The following LAMB4 variants were observed in gnomAD, a reference collection of about 807,000 sequenced individuals.
LAMB4 encodes laminin subunit beta-4.
In LAMB4, 196 loss-of-function variants were observed where a neutral mutation model predicts 199.2. That is an observed-to-expected ratio of 0.98 (90% confidence interval 0.88 to 1.11). The LOEUF is 1.11. Among genes scored for constraint, LAMB4 ranks in the 50% least tolerant of loss-of-function variants. The probability of loss-of-function intolerance (pLI) is 0.00; values close to 1 mark genes in which losing one functional copy is unlikely to be tolerated. For synonymous variants in LAMB4, 744 were observed against 770.6 expected, an observed-to-expected ratio of 0.97 and a Z score of 0.57; for missense variants, 2,080 against 2,171.2, an observed-to-expected ratio of 0.96 and a Z score of 0.83.
chr7:108,097,850 A>G (rs1050287865), intron 11 of LAMB4, among the ~76,000 whole-genome samples: 2 of 152,220 alleles, frequency 1.3e-5, no homozygotes, highest in African/African-American at 4.8e-5. Flanking sequence ...AACTTTTGCA[A>G]CTTGGCGTTA....
Position 108,052,027 on chromosome 7 carries a change from A to T in LAMB4, c.3916+70T>A, listed in dbSNP as rs537241881. 1.3e-4 allele frequency: 175 copies of T among 1,308,202 alleles called. 2 individuals are homozygous for T. In the South Asian group the frequency reaches 2.5e-3, roughly 19 times the overall value. The allele number at this position is 1,308,202 out of a possible 1,614,324, so 81.0% of individuals were successfully genotyped here. On this transcript the variant is annotated intron_variant, in intron 26 of 33. Coordinates refer to ENST00000388781, the MANE Select transcript of LAMB4 (RefSeq NM_007356.3). ...TATGGTGGTAAGCAGGGGACGACTC[A>T]CTAATGGAATGCACTGTGGATTTCA...
chr7:108,075,581 T>C lies in LAMB4; in HGVS notation c.2124+1363A>G, dbSNP rs1243520556. 2.0e-5 allele frequency: 3 copies of C among 152,248 alleles called. No individual in the cohort carries two copies. In the East Asian group the frequency reaches 5.8e-4, roughly 29 times the overall value. 9.4% of individuals were successfully genotyped at this position (152,248 alleles called of 1,614,324 possible). A position where few individuals can be genotyped will look rare whatever the true frequency, so the allele number is the denominator to read the frequency against. ...TTTTATTTTTATCCATGAAATTACTTTTTAAAAATCCCACACAATTCTATA... is the reference window on the plus strand; with the variant it reads ...TTTTATTTTTATCCATGAAATTACTCTTTAAAAATCCCACACAATTCTATA... On this transcript the variant is annotated intron_variant, in intron 17 of 33. Transcript: ENST00000388781.
chr7:108,030,855 G>T lies in LAMB4; in HGVS notation c.4943C>A (p.Ala1648Glu). 2 of 1,614,068 alleles carry T rather than the reference G, an allele frequency of 1.2e-6. No homozygotes were observed. Among genetic ancestry groups the T allele is most frequent in the Non-Finnish European group, 1.7e-6 (2 of 1,179,968 alleles). The part of the protein sequence containing the change: ...LQRHQDHAVN[A>E]KVQAESAQHQ... ...TTGGGCAGATTCAGCCTGAACTTTC[G>T]CATTGACAGCGTGGTCTTGATGCCT... is the stretch of plus-strand genomic sequence containing the variant. The change falls in exon 32 of 34, where the codon GCG becomes GAG. Residue 1648 changes from alanine (A) to glutamate (E), a missense_variant. Physicochemically the swap from Ala to Glu is moderately radical, Grantham distance 107 (BLOSUM62 -1). Transcript: ENST00000388781.
intron 1 of LAMB4, among the ~76,000 whole-genome samples, chr7:108,124,444 T>C (rs952175991): frequency 5.9e-5 from 9 of 152,166 alleles, no homozygotes; most frequent in Non-Finnish European, 2.9e-5. Context: ...CATATAACCA[T>C]ATATGTATAT....
chr7:108,119,666 G>A (rs1584790805), intron 2 of LAMB4, among the ~76,000 whole-genome samples: 2 of 152,176 alleles, frequency 1.3e-5, no homozygotes, highest in Admixed American at 6.5e-5. Context: ...GGATCCTTGA[G>A]GTGGTGGAAC....
chr7:108,024,654 T>C (rs1359088567), intron 33 of LAMB4, among the ~76,000 whole-genome samples: 4 of 152,180 alleles, frequency 2.6e-5, no homozygotes, highest in Non-Finnish European at 5.9e-5. Context: ...GCTTCACTCC[T>C]ATCCATCCAT....
At chr7:108,086,493 T>G (rs2037181895) in intron 14 of LAMB4, among the ~76,000 whole-genome samples, 1 of 152,154 alleles carries the variant, frequency 6.6e-6, no homozygotes, top group Non-Finnish European at 1.5e-5. Context: ...AATATGACTA[T>G]TTTGTATTCT....
At chr7:108,089,450 T>A (rs67998807) in intron 14 of LAMB4, among the ~76,000 whole-genome samples, 10,007 of 152,222 alleles carry the variant, frequency 0.066, 522 homozygotes, top group East Asian at 0.14. Context: ...TGTCTTCTCA[T>A]AAAGTCTCAC....
chr7:108,122,988 G>T, intron 2 of LAMB4, 143 bp downstream of exon 2: 1 of 613,438 alleles, frequency 1.6e-6, no homozygotes, highest in Non-Finnish European at 2.6e-6. Context: ...TCAGTTGCTT[G>T]ACACAATTAC....
chr7:108,109,163 G>A lies in LAMB4; in HGVS notation c.402+8C>T, dbSNP rs2038129776. Reference sequence around the variant, plus strand: ...TAAAAGAGGGGCAGCAGGCCTATTAGTCTGTACCTTAAAGGTCAGGATAAG... The same window carrying A: ...TAAAAGAGGGGCAGCAGGCCTATTAATCTGTACCTTAAAGGTCAGGATAAG... On this transcript the variant is annotated splice_region_variant and intron_variant, in intron 5 of 33. Coordinates refer to ENST00000388781, the MANE Select transcript of LAMB4 (RefSeq NM_007356.3). 5 of 1,596,008 alleles carry A rather than the reference G, an allele frequency of 3.1e-6. No homozygotes were observed. Among genetic ancestry groups the A allele is most frequent in the East Asian group, 2.2e-5 (1 of 44,780 alleles).
At chr7:108,069,358 G>A (rs1051047423) in intron 18 of LAMB4, among the ~76,000 whole-genome samples, 1 of 152,168 alleles carries the variant, frequency 6.6e-6, no homozygotes, top group Non-Finnish European at 1.5e-5. Flanking sequence ...AAATGAAATG[G>A]GCAAGTTACA....
At chr7:108,034,114 C>T (rs902522734) in intron 31 of LAMB4, 94 bp downstream of exon 31, 27 of 1,203,420 alleles carry the variant, frequency 2.2e-5, no homozygotes, top group South Asian at 1.1e-4. Flanking sequence ...CCATCAGACT[C>T]GTAAAGCAAG....
At chr7:108,042,937 CTGTGTGTGTGTG>C (rs754739499) in intron 29 of LAMB4, among the ~76,000 whole-genome samples, 72 of 140,390 alleles carry the variant, frequency 5.1e-4, no homozygotes, top group African/African-American at 1.2e-3. Flanking sequence ...CTCTCAATCT[CTGTGTGTGTGTG>C]TGTGTGTGTG....
At chr7:108,056,728 G>C (rs2035996587) in intron 24 of LAMB4, among the ~76,000 whole-genome samples, 1 of 152,144 alleles carries the variant, frequency 6.6e-6, no homozygotes, top group South Asian at 2.1e-4. Flanking sequence ...CCAGCACTTT[G>C]GGAGGCTAAG....
rs2036319239 is a variant in LAMB4, at chr7:108,065,869, G to C, written c.2729C>G (p.Pro910Arg). 3 of 1,614,088 alleles carry C rather than the reference G, an allele frequency of 1.9e-6. No homozygotes were observed. The highest frequency in any genetic ancestry group is 2.5e-6 in the Non-Finnish European group (3 of 1,179,938). ...GNPSSGQPCR[P>R]CLCPDDPSSN... The stretch of plus-strand genomic sequence containing the variant: ...TGAGGGATCATCTGGACACAGGCAA[G>C]GACGACAGGGCTGTCCTGAAGAAGG... The change falls in exon 21 of 34, where the codon CCT becomes CGT. Residue 910 changes from proline to arginine, a missense_variant. Pro to Arg is a moderately radical substitution (Grantham distance 103). Coordinates refer to ENST00000388781, the MANE Select transcript of LAMB4 (RefSeq NM_007356.3).
At chr7:108,060,961 G>A (rs540869233) in intron 23 of LAMB4, among the ~76,000 whole-genome samples, 5 of 152,308 alleles carry the variant, frequency 3.3e-5, no homozygotes, top group African/African-American at 1.2e-4. Context: ...ATAACAGTCT[G>A]ACAAACACTG....
At chr7:108,040,250 G>A (rs2035374772) in intron 29 of LAMB4, among the ~76,000 whole-genome samples, 1 of 152,134 alleles carries the variant, frequency 6.6e-6, no homozygotes, top group African/African-American at 2.4e-5. Context: ...ACTGCGCAAA[G>A]AATCCAGAGG....
intron 22 of LAMB4, 35 bp downstream of exon 22, chr7:108,063,726 T>C: frequency 6.4e-7 from 1 of 1,551,758 alleles, no homozygotes; most frequent in Non-Finnish European, 8.9e-7. Flanking sequence ...GTCACTCAGC[T>C]GACACATTTC....
intron 26 of LAMB4, among the ~76,000 whole-genome samples, chr7:108,051,137 G>A (rs1412753150): frequency 6.6e-6 from 1 of 152,140 alleles, no homozygotes; most frequent in Non-Finnish European, 1.5e-5. Context: ...TGGATTTTGA[G>A]TTCTTTCAGT....
Sources: allele counts gnomAD v4.1 joint callset (sites outside exome capture counted in the v4.1 genomes callset), GRCh38; gene constraint gnomAD v4.1.1; transcripts MANE v1.5; gene names NCBI Gene and HGNC (gene_info 2026-07-23, HGNC 2026-07-21).